NIN: variants seen among roughly 807,000 people sequenced by gnomAD.
The protein encoded by NIN is ninein.
Under a neutral mutation model 257.6 loss-of-function variants are expected in NIN, and 137 were observed. The ratio of observed to expected loss-of-function variants is 0.53; its 90% CI spans 0.46 to 0.61. The LOEUF (loss-of-function observed/expected upper bound fraction) is 0.61, where lower values mean the gene tolerates loss of function less well. Ranked by LOEUF, NIN falls within the 20% of genes least tolerant of loss-of-function variation. The probability of loss-of-function intolerance (pLI) is 0.00; values close to 1 mark genes in which losing one functional copy is unlikely to be tolerated. For missense variants in NIN, 2,439 were observed against 2,501.2 expected, an observed-to-expected ratio of 0.98 and a Z score of 0.53; for synonymous variants, 918 against 919.8, an observed-to-expected ratio of 1.00 and a Z score of 0.04.
intron 12 of NIN, 144 bp downstream of exon 12, chr14:50,770,244 C>T (rs2042675484): frequency 1.3e-6 from 1 of 753,872 alleles, no homozygotes; most frequent in Admixed American, 2.9e-5. Context: ...CAGGGCCCTG[C>T]CAAGTCTGGG....
At chr14:50,731,837 TAAA>T (rs985419392) in intron 28 of NIN, among the ~76,000 whole-genome samples, 2 of 152,006 alleles carry the variant, frequency 1.3e-5, no homozygotes, top group Admixed American at 6.6e-5. Context: ...AATAAATAAA[TAAA>T]AAAGATTATT....
intron 7 of NIN, among the ~76,000 whole-genome samples, chr14:50,776,162 C>T (rs1201572786): frequency 1.3e-5 from 2 of 152,108 alleles, no homozygotes; most frequent in Non-Finnish European, 2.9e-5. Flanking sequence ...TAACTCTCTC[C>T]AATCCTTATT....
intron 3 of NIN, among the ~76,000 whole-genome samples, chr14:50,809,794 T>C (rs1402275745): frequency 6.6e-6 from 1 of 152,214 alleles, no homozygotes; most frequent in African/African-American, 2.4e-5. Flanking sequence ...CCCTTGAATA[T>C]GGTATGACAA....
intron 20 of NIN, among the ~76,000 whole-genome samples, chr14:50,753,534 AG>A: frequency 6.6e-6 from 1 of 152,048 alleles, no homozygotes; most frequent in East Asian, 1.9e-4. Context: ...ATAGACATAA[AG>A]TTTTTAAAAT....
In NIN at chr14:50,744,325, A is replaced by AT. The variant is rs745458775; in HGVS notation, c.5104dup (p.Ile1702AsnfsTer3). On this transcript the variant is annotated frameshift_variant, in exon 23 of 31. Transcript: ENST00000530997. LOFTEE classifies it high-confidence loss of function. ...TTCGTTGTAGCTTAGAACACTAGAG[A>AT]TTTTTTGCTGGAAGTCAGAGAGATC... 36 of 1,613,944 alleles carry AT rather than the reference A, an allele frequency of 2.2e-5. No homozygotes were observed. The highest frequency in any genetic ancestry group is 2.9e-5 in the Non-Finnish European group (34 of 1,179,962).
chr14:50,747,749 AAGG>A (rs869290231), intron 22 of NIN, among the ~76,000 whole-genome samples: 1 of 127,092 alleles, frequency 7.9e-6, no homozygotes, highest in Admixed American at 7.7e-5. Context: ...AAAAAAAAAA[AAGG>A]GGGGGATTTT....
At chr14:50,772,918 C>T in intron 8 of NIN, 31 bp downstream of exon 8, 1 of 1,586,840 alleles carries the variant, frequency 6.3e-7, no homozygotes, top group Non-Finnish European at 8.6e-7. Flanking sequence ...AACTTTTATT[C>T]ACAAAGAAAG....
At chr14:50,821,819 C>G (rs1233997508) in intron 3 of NIN, 55 bp downstream of exon 3, 1 of 1,460,504 alleles carries the variant, frequency 6.8e-7, no homozygotes, top group Non-Finnish European at 9.5e-7. Flanking sequence ...ACCCCCAGCA[C>G]CCCGGCAGAA....
At chr14:50,770,188 G>T (rs982893686) in intron 12 of NIN, among the ~76,000 whole-genome samples, 200 bp downstream of exon 12, 2 of 152,196 alleles carry the variant, frequency 1.3e-5, no homozygotes, top group African/African-American at 4.8e-5. Flanking sequence ...TCAATACTGT[G>T]AGCAAAGCAG....
In NIN at chr14:50,770,412, C is replaced by A. The variant is rs1015652530; in HGVS notation, c.1410G>T (p.Arg470=). 12 of 1,614,180 alleles carry A rather than the reference C, an allele frequency of 7.4e-6. No homozygotes were observed. The highest frequency in any genetic ancestry group is 9.3e-6 in the Non-Finnish European group (11 of 1,180,026). ...EKAKTEENYI[R]DRLALSLKEN... ...CCTTTAAAGAGAGGGCAAGGCGGTCCCGGATATAGTTCTCTTCTGTTTTTG... is the reference window on the plus strand; with the variant it reads ...CCTTTAAAGAGAGGGCAAGGCGGTCACGGATATAGTTCTCTTCTGTTTTTG... The change falls in exon 12 of 31, where the codon CGG becomes CGT. Residue 470 remains arginine, a synonymous_variant. Coordinates refer to ENST00000530997, the MANE Select transcript of NIN (RefSeq NM_020921.4).
rs1413604320 is a variant in NIN, at chr14:50,757,349, A to G, written c.3681T>C (p.Asp1227=). Residue 1227 remains aspartate (D), a synonymous_variant, in exon 18 of 31, where the codon GAT becomes GAC. Transcript: ENST00000530997. ...TCAGTTTCTTTTTTAGCACAGAAACATCAAAAAGTAGGTCCTGTTTCTTTT... is the reference window on the plus strand; with the variant it reads ...TCAGTTTCTTTTTTAGCACAGAAACGTCAAAAAGTAGGTCCTGTTTCTTTT... ...ASEKKQDLLF[D]VSVLKKKLKM... is the part of the protein sequence containing the mutation. The G allele has an allele frequency of 1.9e-6, 3 of 1,613,736 alleles. No homozygotes were observed. The highest frequency in any genetic ancestry group is 1.1e-5 in the South Asian group (1 of 91,048).
chr14:50,723,977 T>C (rs1309761603), intron 30 of NIN: 3 of 300,156 alleles, frequency 1.0e-5, no homozygotes, highest in African/African-American at 6.6e-5. Flanking sequence ...CTGTATTTAT[T>C]CTTTAAAAAT....
In NIN at chr14:50,758,394, G is replaced by A. The variant is rs767680538; in HGVS notation, c.2636C>T (p.Thr879Ile). 1.2e-6 allele frequency: 2 copies of A among 1,614,070 alleles called. No individual in the cohort carries two copies. Among genetic ancestry groups the A allele is most frequent in the Non-Finnish European group, 1.7e-6 (2 of 1,179,920 alleles). The change falls in exon 18 of 31, where the codon ACT becomes ATT. Residue 879 changes from threonine (T) to isoleucine (I), a missense_variant. Physicochemically the swap from Thr to Ile is moderately conservative, Grantham distance 89. Coordinates refer to ENST00000530997, the MANE Select transcript of NIN (RefSeq NM_020921.4). ...CAEAQELLKE[T>I]LKREKTTSLV... ...AGAAGTTGTTTTCTCTCTCTTAAGA[G>A]TCTCTTTCAGCAGCTCCTGGGCTTC...
At chr14:50,813,779 G>A (rs770297890) in intron 3 of NIN, among the ~76,000 whole-genome samples, 2 of 152,184 alleles carry the variant, frequency 1.3e-5, no homozygotes, top group Non-Finnish European at 2.9e-5. Flanking sequence ...AACTAGCACT[G>A]AACAAGGTGA....
At chr14:50,747,864 C>A in intron 22 of NIN, 128 bp downstream of exon 22, 1 of 659,286 alleles carries the variant, frequency 1.5e-6, no homozygotes, top group Middle Eastern at 2.5e-4. Flanking sequence ...AGCAGTATGT[C>A]CTCAGCTACC....
At chr14:50,764,075 A>C in intron 14 of NIN, 111 bp from the exon 15 acceptor site, 1 of 886,308 alleles carries the variant, frequency 1.1e-6, no homozygotes, top group South Asian at 1.6e-5. Context: ...TTTGTGCTTC[A>C]AAGGACACTA....
rs781699626 is a variant in NIN at position 50,765,063 on chromosome 14, T to TAAA, written c.1636-1102_1636-1100dup. Among the ~76,000 whole-genome samples, 495 of 82,050 alleles carry TAAA rather than the reference T, an allele frequency of 6.0e-3. 8 individuals carry two copies. The highest frequency in any genetic ancestry group is 0.021 in the African/African-American group (454 of 21,274). 53.8% of individuals were successfully genotyped at this position (82,050 alleles called of 152,430 possible). ...AACATGGTGAAACCCTGTCTCTACT[T>TAAA]AAAAAAAAAAAAAAAAAAAAAAAAA... On this transcript the variant is annotated intron_variant, in intron 14 of 30. Transcript: ENST00000530997.
intron 7 of NIN, among the ~76,000 whole-genome samples, chr14:50,773,668 G>A (rs2042814623): frequency 6.6e-6 from 1 of 152,194 alleles, no homozygotes; most frequent in Non-Finnish European, 1.5e-5. Context: ...GAGTGTGTTG[G>A]CTTTTTGCTT....
In NIN at chr14:50,773,084, T is replaced by C. The variant is rs777841292; in HGVS notation, c.678A>G (p.Glu226=). Reference sequence around the variant, plus strand: ...CGTCAGGATCAAGATTATGGAATACTTCCTCGAGCATCTAGAAAAGAGTCA... The same window carrying C: ...CGTCAGGATCAAGATTATGGAATACCTCCTCGAGCATCTAGAAAAGAGTCA... ...LQNVDGEMLE[E]VFHNLDPDGT... The change falls in exon 8 of 31, where the codon GAA becomes GAG. Residue 226 remains glutamate, a synonymous_variant. Coordinates refer to ENST00000530997, the MANE Select transcript of NIN (RefSeq NM_020921.4). 3.7e-6 allele frequency: 6 copies of C among 1,610,438 alleles called. No homozygotes were observed. The highest frequency in any genetic ancestry group is 1.7e-5 in the Admixed American group (1 of 59,372).
Sources: gnomAD v4.1 joint callset for allele counts (sites outside exome capture counted in the v4.1 genomes callset) on GRCh38, gnomAD v4.1.1 for gene constraint, MANE v1.5 for transcripts, NCBI Gene and HGNC (gene_info 2026-07-23, HGNC 2026-07-21) for gene names.